The following TRPV1 variants were observed in gnomAD, a reference collection of about 807,000 sequenced individuals.
TRPV1 encodes the protein OTRPC1.
A neutral mutation model predicts 82.3 loss-of-function variants in TRPV1; 82 were observed. The observed-to-expected ratio is 1.00, with a 90% CI of 0.83 to 1.20. The LOEUF (loss-of-function observed/expected upper bound fraction) is 1.20, where lower values mean the gene tolerates loss of function less well. Ranked by LOEUF, TRPV1 falls within the 50% of genes most tolerant of loss-of-function variation. TRPV1 has a pLI of 0.00. For missense variants in TRPV1, 1,067 were observed against 1,096.8 expected (o/e 0.97, Z 0.38); for synonymous variants, 515 against 467.7 (o/e 1.10, Z -1.30).
At chr17:3,601,850 T>C (rs2075265886) in intron 2 of TRPV1, 1 of 151,324 alleles carries the variant, frequency 6.6e-6, no homozygotes, top group African/African-American at 2.4e-5. Context: ...CACCTCAGTC[T>C]CCCAATATGC....
intron 2 of TRPV1, among the ~76,000 whole-genome samples, chr17:3,599,761 T>C (rs2075248474): frequency 6.6e-6 from 1 of 152,084 alleles, no homozygotes; most frequent in Admixed American, 6.6e-5. Context: ...CCCGAGTAGT[T>C]GGGATTACGG....
Position 3,591,332 on chromosome 17 carries a change from GAC to G in TRPV1, c.304_305del (p.Val102ArgfsTer12). On this transcript the variant is annotated frameshift_variant, in exon 4 of 17. Transcript: ENST00000572705. LOFTEE classifies it high-confidence loss of function. ...TGARLLSQDS[V>X]AASTEKTLRL... The stretch of plus-strand genomic sequence containing the variant: ...TGAGGGTCTTCTCGGTGCTGGCGGC[GAC>G]AGAGTCCTGGGACAGCAGCCTGTGG... The G allele has an allele frequency of 6.3e-7, 1 of 1,592,250 alleles. No individual in the cohort carries two copies. The highest frequency in any genetic ancestry group is 8.5e-7 in the Non-Finnish European group (1 of 1,171,114).
intron 5 of TRPV1, 110 bp downstream of exon 5, chr17:3,590,854 G>A: frequency 2.8e-6 from 4 of 1,408,878 alleles, no homozygotes; most frequent in East Asian, 2.5e-5. Context: ...CGCAGTGGCT[G>A]GGACAGGGAG....
intron 10 of TRPV1, among the ~76,000 whole-genome samples, chr17:3,581,420 G>T (rs1486655270): frequency 6.6e-6 from 1 of 152,072 alleles, no homozygotes; most frequent in Non-Finnish European, 1.5e-5. Context: ...TGCCATTCCA[G>T]CCACACTTGC....
chr17:3,568,050 C>T (rs540667834), intron 16 of TRPV1, among the ~76,000 whole-genome samples: 3 of 152,228 alleles, frequency 2.0e-5, no homozygotes, highest in East Asian at 1.9e-4. Context: ...AGGCCGGGCG[C>T]GGTGGCTCAC....
At chr17:3,571,782 T>G in intron 15 of TRPV1, 143 bp from the exon 16 acceptor site, 1 of 662,636 alleles carries the variant, frequency 1.5e-6, no homozygotes. Context: ...ACTTGATTTT[T>G]GGACACCATC....
chr17:3,603,804 C>G (rs1423277287), intron 2 of TRPV1, among the ~76,000 whole-genome samples: 1 of 152,234 alleles, frequency 6.6e-6, no homozygotes, highest in African/African-American at 2.4e-5. Flanking sequence ...GACTCTCCCA[C>G]TTTCAAAGAC....
intron 14 of TRPV1, among the ~76,000 whole-genome samples, chr17:3,572,987 A>G (rs1388681329): frequency 8.5e-5 from 1 of 11,748 alleles, no homozygotes; most frequent in African/African-American, 9.8e-5. Flanking sequence ...CATCTCAGAA[A>G]AAAAAAAAAA....
intron 2 of TRPV1, among the ~76,000 whole-genome samples, chr17:3,603,832 CT>C (rs2075280105): frequency 6.6e-6 from 1 of 152,220 alleles, no homozygotes; most frequent in Non-Finnish European, 1.5e-5. Context: ...GTCCATCTAC[CT>C]GTGGCTGAGG....
Position 3,590,007 on chromosome 17 carries a change from C to A in TRPV1, c.844G>T (p.Asp282Tyr). 1 of 1,563,018 alleles carries A rather than the reference C, an allele frequency of 6.4e-7. No homozygotes were observed. Among genetic ancestry groups the A allele is most frequent in the South Asian group, 1.2e-5 (1 of 85,408 alleles). The change falls in exon 7 of 17, where the codon GAC becomes TAC. Residue 282 changes from aspartate (D) to tyrosine (Y), a missense_variant. Coordinates refer to ENST00000572705, the MANE Select transcript of TRPV1 (RefSeq NM_080704.4). ...SWQTADISAR[D>Y]SVGNTVLHAL... The stretch of plus-strand genomic sequence containing the variant: ...TGCAGCACCGTGTTGCCCACCGAGT[C>A]CCTGGCGCTGATGTCGGCCGTCTGC...
chr17:3,609,199 A>G (rs1036460187), intron 1 of TRPV1, 110 bp downstream of exon 1: 1 of 152,194 alleles, frequency 6.6e-6, no homozygotes, highest in Non-Finnish European at 1.5e-5. Context: ...AATGGGCTTT[A>G]GTATCTGACA....
chr17:3,598,856 C>A (rs1177524548), intron 2 of TRPV1, among the ~76,000 whole-genome samples: 1 of 150,878 alleles, frequency 6.6e-6, no homozygotes, highest in Admixed American at 6.6e-5. Flanking sequence ...CGTGAGCCAC[C>A]GCGCCTGGCC....
chr17:3,608,872 C>T (rs768824583), intron 1 of TRPV1: 2 of 152,284 alleles, frequency 1.3e-5, no homozygotes, highest in Non-Finnish European at 1.5e-5. Flanking sequence ...TTATTTAAGG[C>T]ACAAGACTCT....
intron 9 of TRPV1, among the ~76,000 whole-genome samples, chr17:3,584,415 A>T (rs965903480): frequency 0.034 from 523 of 15,282 alleles, 21 homozygotes; most frequent in African/African-American, 0.094. Context: ...AAAAAAAAAA[A>T]ATAAAATAAA....
intron 2 of TRPV1, among the ~76,000 whole-genome samples, chr17:3,606,637 G>A (rs2075297907): frequency 6.6e-6 from 1 of 152,272 alleles, no homozygotes; most frequent in African/African-American, 2.4e-5. Flanking sequence ...TGTGCACGTG[G>A]TTGTGACTTC....
rs766873024 is a variant in TRPV1 at position 3,573,924 on chromosome 17, A to G, written c.1812T>C (p.Asn604=). Reference sequence around the variant, plus strand: ...ACGTGGACTCAGACGGCAGGGAGTCATTCTTCCCGTCTTCAATCAGCGTCA... The same window carrying G: ...ACGTGGACTCAGACGGCAGGGAGTCGTTCTTCCCGTCTTCAATCAGCGTCA... ...AVVTLIEDGK[N]DSLPSESTSH... The change falls in exon 14 of 17, where the codon AAT becomes AAC. Residue 604 remains asparagine (N), a synonymous_variant. Transcript: ENST00000572705. 2 of 1,605,996 alleles carry G rather than the reference A, an allele frequency of 1.2e-6. No individual in the cohort carries two copies. Among genetic ancestry groups the G allele is most frequent in the East Asian group, 4.5e-5 (2 of 44,788 alleles).
chr17:3,570,112 C>T (rs2074832831), intron 16 of TRPV1, among the ~76,000 whole-genome samples: 1 of 152,018 alleles, frequency 6.6e-6, no homozygotes, highest in African/African-American at 2.4e-5. Flanking sequence ...GAAAAAGGCC[C>T]GGCATGGTGG....
intron 2 of TRPV1, chr17:3,595,593 T>C (rs915222022): frequency 6.6e-6 from 1 of 152,198 alleles, no homozygotes; most frequent in African/African-American, 2.4e-5. Context: ...CCCAGGGATG[T>C]CTATGGTCTC....
intron 14 of TRPV1, 85 bp downstream of exon 14, chr17:3,573,548 C>CCCCCCCCCCCCCCCCCCCCTT: frequency 2.4e-6 from 1 of 411,100 alleles, no homozygotes. Context: ...ACCACCCACC[C>CCCCCCCCCCCCCCCCCCCCTT]ACCTGCAGCC....
Sources: allele counts gnomAD v4.1 joint callset (sites outside exome capture counted in the v4.1 genomes callset), GRCh38; gene constraint gnomAD v4.1.1; transcripts MANE v1.5; gene names NCBI Gene and HGNC (gene_info 2026-07-23, HGNC 2026-07-21).